The following RIPOR2 variants were observed in gnomAD, a reference collection of about 807,000 sequenced individuals.
RIPOR2 encodes RHO family interacting cell polarization regulator 2.
A neutral mutation model predicts 114.5 loss-of-function variants in RIPOR2; 39 were observed. The ratio of observed to expected loss-of-function variants is 0.34; its 90% confidence interval spans 0.26 to 0.44. RIPOR2 has a LOEUF of 0.44. Among genes scored for constraint, RIPOR2 ranks in the 20% least tolerant of loss-of-function variants. The pLI is 1.00. For missense variants in RIPOR2, 1,007 were observed against 1,255.1 expected, an observed-to-expected ratio of 0.80 and a Z score of 2.99; for synonymous variants, 445 against 484.4, an observed-to-expected ratio of 0.92 and a Z score of 1.07.
At chr6:24,886,370 T>C (rs895577189) in intron 1 of RIPOR2, among the ~76,000 whole-genome samples, 4 of 152,248 alleles carry the variant, frequency 2.6e-5, no homozygotes, top group African/African-American at 9.6e-5. Flanking sequence ...ACAATACTAT[T>C]ATCTAAGGTA....
intron 5 of RIPOR2, among the ~76,000 whole-genome samples, chr6:24,870,321 C>G (rs956666982): frequency 1.3e-5 from 2 of 152,312 alleles, no homozygotes; most frequent in East Asian, 3.9e-4. Context: ...TATAAAAACA[C>G]TACAACCCAG....
intron 13 of RIPOR2, 141 bp downstream of exon 13, chr6:24,842,721 G>C (rs1323385614): frequency 4.6e-6 from 2 of 430,886 alleles, no homozygotes; most frequent in African/African-American, 4.1e-5. Context: ...TGGCATATTA[G>C]TGCCATTTAA....
chr6:24,853,706 G>A (rs761302296), intron 8 of RIPOR2, among the ~76,000 whole-genome samples: 7 of 152,142 alleles, frequency 4.6e-5, no homozygotes, highest in South Asian at 2.1e-4. Context: ...GACAATGGAC[G>A]GCATCTAACA....
Position 24,935,772 on chromosome 6 carries a change from G to C in RIPOR2, c.61+66C>G. On this transcript the variant is annotated intron_variant, in intron 1 of 21. Coordinates refer to ENST00000643898, the MANE Select transcript of RIPOR2 (RefSeq NM_001286445.3). ...AAGTCCTTGCCCAAGCTGGGCAAAA[G>C]TGTCCAGTGGTGTCAAAACAAAGCA... 3.5e-6 allele frequency: 4 copies of C among 1,147,264 alleles called. 1 individual carries two copies. The South Asian group carries it at 5.3e-5, about 15-fold the overall frequency. 71.1% of individuals were successfully genotyped at this position (1,147,264 alleles called of 1,614,324 possible).
intron 1 of RIPOR2, among the ~76,000 whole-genome samples, chr6:24,879,736 C>T (rs1166773418): frequency 6.6e-6 from 1 of 152,174 alleles, no homozygotes; most frequent in African/African-American, 2.4e-5. Flanking sequence ...CTTCCAGCTT[C>T]CCCAGCTCTT....
intron 14 of RIPOR2, among the ~76,000 whole-genome samples, chr6:24,837,927 T>C (rs935942139): frequency 3.9e-5 from 6 of 152,202 alleles, no homozygotes; most frequent in African/African-American, 1.4e-4. Flanking sequence ...TGAAAACCCA[T>C]TTACGTCATA....
chr6:24,855,368 CTTTA>C (rs1763362076), intron 8 of RIPOR2, among the ~76,000 whole-genome samples: 1 of 135,154 alleles, frequency 7.4e-6, no homozygotes, highest in Admixed American at 7.0e-5. Flanking sequence ...TTATATATGA[CTTTA>C]TTTTTTTTTT....
intron 14 of RIPOR2, chr6:24,836,085 A>C: frequency 1.8e-6 from 1 of 550,546 alleles, no homozygotes; most frequent in Non-Finnish European, 3.3e-6. Context: ...AATTGCTTTC[A>C]AAGTTCTTTC....
intron 1 of RIPOR2, among the ~76,000 whole-genome samples, chr6:25,021,335 C>CTCTG (rs61284465): frequency 0.77 from 117,463 of 151,602 alleles, 45,920 homozygotes; most frequent in African/African-American, 0.87. Context: ...AGGAGACCAG[C>CTCTG]TCTAAGAAGA....
At chr6:24,955,128 A>G (rs1335988036) in intron 1 of RIPOR2, among the ~76,000 whole-genome samples, 1 of 152,216 alleles carries the variant, frequency 6.6e-6, no homozygotes, top group Non-Finnish European at 1.5e-5. Flanking sequence ...GTTTACTTCT[A>G]TATGTTTGCT....
At chr6:24,820,310 C>T (rs982738900) in intron 19 of RIPOR2, among the ~76,000 whole-genome samples, 2 of 152,200 alleles carry the variant, frequency 1.3e-5, no homozygotes, top group Non-Finnish European at 2.9e-5. Context: ...GGATTACAGG[C>T]GTGAGCCACT....
In RIPOR2 at chr6:24,887,032, A is replaced by T. The variant is rs180801997; in HGVS notation, c.62-11215T>A. The stretch of plus-strand genomic sequence containing the variant: ...TTATTGTCACTGTATGGACTCACGG[A>T]TTCTTGTTTTACTCAATGGGTTATA... On this transcript the variant is annotated intron_variant, in intron 1 of 21. Coordinates refer to ENST00000643898, the MANE Select transcript of RIPOR2 (RefSeq NM_001286445.3). Among the ~76,000 whole-genome samples, 37 of 152,164 alleles carry T rather than the reference A, an allele frequency of 2.4e-4. No individual in the cohort carries two copies. In the East Asian group the frequency reaches 7.1e-3, roughly 29 times the overall value.
chr6:24,954,108 G>A (rs1266188378), intron 1 of RIPOR2, among the ~76,000 whole-genome samples: 1 of 152,162 alleles, frequency 6.6e-6, no homozygotes, highest in African/African-American at 2.4e-5. Flanking sequence ...TGTTATGGCA[G>A]CCCAAGCATA....
chr6:24,806,267 A>G lies in RIPOR2; in HGVS notation c.*106T>C. The G allele has an allele frequency of 1.3e-6, 1 of 789,290 alleles. No homozygotes were observed. Among genetic ancestry groups the G allele is most frequent in the Non-Finnish European group, 2.1e-6 (1 of 476,586 alleles). The allele number at this position is 789,290 out of a possible 1,614,324, so 48.9% of individuals were successfully genotyped here. On this transcript the variant is annotated 3_prime_UTR_variant, in exon 22 of 22. Transcript: ENST00000643898. ...TGCACCTGGCCTACATTTTTATTTC[A>G]GTTGTCGTGTCTCTCAGGCTCTAAA... is the stretch of plus-strand genomic sequence containing the variant.
chr6:25,034,932 T>A (rs1777168804), intron 1 of RIPOR2, among the ~76,000 whole-genome samples: 1 of 152,196 alleles, frequency 6.6e-6, no homozygotes. Context: ...GAATTGGACA[T>A]TTGGCAATTG....
chr6:24,881,330 G>T (rs1007057234), intron 1 of RIPOR2, among the ~76,000 whole-genome samples: 5 of 152,154 alleles, frequency 3.3e-5, no homozygotes, highest in African/African-American at 4.8e-5. Flanking sequence ...TTAAATCCCA[G>T]AAAGGACTCA....
At chr6:24,864,163 G>C (rs1764353556) in intron 7 of RIPOR2, among the ~76,000 whole-genome samples, 1 of 152,044 alleles carries the variant, frequency 6.6e-6, no homozygotes, top group South Asian at 2.1e-4. Context: ...AATTAGCCGG[G>C]TGTGGTGGCA....
At chr6:24,872,159 G>A (rs2113881086) in intron 4 of RIPOR2, among the ~76,000 whole-genome samples, 1 of 152,302 alleles carries the variant, frequency 6.6e-6, no homozygotes, top group South Asian at 2.1e-4. Flanking sequence ...ATTTAAAATA[G>A]TGTAGACATT....
chr6:24,867,743 G>A (rs930380313), intron 6 of RIPOR2, among the ~76,000 whole-genome samples: 6 of 152,218 alleles, frequency 3.9e-5, no homozygotes, highest in Non-Finnish European at 8.8e-5. Context: ...TACCTAGGTA[G>A]TCACCTTAGC....
Sources: gnomAD v4.1 joint callset for allele counts (sites outside exome capture counted in the v4.1 genomes callset) on GRCh38, gnomAD v4.1.1 for gene constraint, MANE v1.5 for transcripts, NCBI Gene and HGNC (gene_info 2026-07-23, HGNC 2026-07-21) for gene names.